Variants in GOLGA4 observed in about 807,000 individuals in gnomAD.
GOLGA4 encodes the protein golgin subfamily A member 4.
Under a neutral mutation model 265.9 loss-of-function variants are expected in GOLGA4, and 169 were observed. That is an observed-to-expected ratio of 0.64 (90% CI 0.56 to 0.72). GOLGA4 has a LOEUF of 0.72. Among genes scored for constraint, GOLGA4 ranks in the 30% least tolerant of loss-of-function variants. The pLI is 0.00. For synonymous variants in GOLGA4, 923 were observed against 855.8 expected (o/e 1.08, Z -1.37); for missense variants, 2,482 against 2,483.4 (o/e 1.00, Z 0.01).
chr3:37,336,766 AAG>A (rs1029288447), intron 17 of GOLGA4, among the ~76,000 whole-genome samples: 29 of 150,844 alleles, frequency 1.9e-4, no homozygotes, highest in Admixed American at 6.6e-4. Flanking sequence ...GAGCAAAAGA[AAG>A]AGAGAAAGAG....
intron 2 of GOLGA4, among the ~76,000 whole-genome samples, chr3:37,251,860 T>C (rs1485930312): frequency 2.0e-5 from 3 of 152,142 alleles, no homozygotes. Flanking sequence ...ACGTTTAAAT[T>C]TTTCGTAGAC....
intron 1 of GOLGA4, among the ~76,000 whole-genome samples, chr3:37,246,937 A>G (rs1344119310): frequency 1.3e-5 from 2 of 152,222 alleles, no homozygotes; most frequent in African/African-American, 2.4e-5. Flanking sequence ...AAAACAAAAA[A>G]ACCAGCAAAC....
chr3:37,328,307 T>C (rs919250117), intron 14 of GOLGA4, 109 bp from the exon 15 acceptor site: 3 of 974,626 alleles, frequency 3.1e-6, no homozygotes, highest in Non-Finnish European at 4.6e-6. Flanking sequence ...CTCTCAAAAA[T>C]GTTTTCATAC....
chr3:37,257,007 C>G (rs1368904877), intron 2 of GOLGA4, among the ~76,000 whole-genome samples: 3 of 152,066 alleles, frequency 2.0e-5, no homozygotes, highest in Non-Finnish European at 4.4e-5. Context: ...GTACATTCAT[C>G]ACATCTATCT....
chr3:37,283,531 G>A (rs1051535534), intron 3 of GOLGA4, among the ~76,000 whole-genome samples: 1 of 152,020 alleles, frequency 6.6e-6, no homozygotes, highest in Admixed American at 6.6e-5. Flanking sequence ...TTTTGTTGTT[G>A]TTTTTGAGAC....
chr3:37,268,569 C>A (rs2096789716), intron 2 of GOLGA4, among the ~76,000 whole-genome samples: 1 of 151,886 alleles, frequency 6.6e-6, no homozygotes, highest in African/African-American at 2.4e-5. Flanking sequence ...GGCTTTAAAA[C>A]CTTTTTTTTC....
Position 37,329,078 on chromosome 3 carries a change from T to C in GOLGA4, c.6177T>C (p.Tyr2059=), listed in dbSNP as rs752416682. The change falls in exon 16 of 24, where the codon TAT becomes TAC. Residue 2059 remains tyrosine, a synonymous_variant. Coordinates refer to ENST00000361924, the MANE Select transcript of GOLGA4 (RefSeq NM_002078.5). ...ATCTAAAACGAACAGCCAAAAGATA[T>C]GAAGAAATCCTTGATGTTTGTACCT... ...DDDLKRTAKR[Y]EEILDAREEE... is the part of the protein sequence containing the mutation. 7.5e-6 allele frequency: 12 copies of C among 1,605,842 alleles called. No homozygotes were observed. Among genetic ancestry groups the C allele is most frequent in the South Asian group, 4.5e-5 (4 of 89,478 alleles).
chr3:37,324,701 C>T lies in GOLGA4; in HGVS notation c.2815C>T (p.His939Tyr). The T allele has an allele frequency of 6.2e-7, 1 of 1,602,966 alleles. No homozygotes were observed. Residue 939 changes from histidine to tyrosine, a missense_variant, in exon 14 of 24, where the codon CAT becomes TAT. This residue lies in a region of GOLGA4 where 1,536 missense variants were observed against 1,483.7 expected (regional missense o/e 1.04). Coordinates refer to ENST00000361924, the MANE Select transcript of GOLGA4 (RefSeq NM_002078.5). ...QKLSAKEDSI[H>Y]ILNEEYETKF... ...ATTGTCAGCCAAGGAGGACAGTATT[C>T]ATATTTTGAATGAGGAATATGAAAC... is the stretch of plus-strand genomic sequence containing the variant.
rs4021346 is a variant in GOLGA4, at chr3:37,328,233, GACACACAC to G, written c.5940-154_5940-147del. On this transcript the variant is annotated intron_variant, in intron 14 of 23. Coordinates refer to ENST00000361924, the MANE Select transcript of GOLGA4 (RefSeq NM_002078.5). Reference sequence around the variant, plus strand: ...GGTAATCATAGTTGATATGTACCTGGACACACACACACACACACACACACACACACACA... The same window carrying G: ...GGTAATCATAGTTGATATGTACCTGGACACACACACACACACACACACACA... Among the ~76,000 whole-genome samples, 51 of 138,536 alleles carry G rather than the reference GACACACAC, an allele frequency of 3.7e-4. 2 individuals carry two copies. The highest frequency in any genetic ancestry group is 2.3e-3 in the Admixed American group (31 of 13,646). The allele number at this position is 138,536 out of a possible 152,430, so 90.9% of individuals were successfully genotyped here. A position where few individuals can be genotyped will look rare whatever the true frequency, so the allele number is the denominator to read the frequency against.
At chr3:37,298,640 GACTATAA>G (rs1191219536) in intron 7 of GOLGA4, among the ~76,000 whole-genome samples, 186 bp from the exon 8 acceptor site, 1 of 152,146 alleles carries the variant, frequency 6.6e-6, no homozygotes, top group African/African-American at 2.4e-5. Context: ...CTTTGTTTTA[GACTATAA>G]ACTATAAACT....
chr3:37,331,959 C>T (rs1170417446), intron 16 of GOLGA4, among the ~76,000 whole-genome samples: 1 of 152,180 alleles, frequency 6.6e-6, no homozygotes, highest in African/African-American at 2.4e-5. Context: ...TGTTCCTCTC[C>T]TCTGAACTCC....
At chr3:37,319,949 C>T (rs977159479) in intron 12 of GOLGA4, 4 of 152,024 alleles carry the variant, frequency 2.6e-5, no homozygotes, top group Non-Finnish European at 5.9e-5. Flanking sequence ...AGAAGAATGT[C>T]GAAAATCTCA....
At chr3:37,275,413 C>G (rs1227027829) in intron 2 of GOLGA4, among the ~76,000 whole-genome samples, 2 of 152,078 alleles carry the variant, frequency 1.3e-5, no homozygotes, top group Non-Finnish European at 2.9e-5. Context: ...TCCAGTTAAT[C>G]CCAAATTCTC....
intron 23 of GOLGA4, among the ~76,000 whole-genome samples, chr3:37,365,476 C>T (rs1696678816): frequency 6.6e-6 from 1 of 152,172 alleles, no homozygotes; most frequent in Admixed American, 6.5e-5. Context: ...CCATGTTGGC[C>T]AGGCTGGTCT....
intron 2 of GOLGA4, among the ~76,000 whole-genome samples, chr3:37,265,593 A>G (rs2150689527): frequency 6.6e-6 from 1 of 152,268 alleles, no homozygotes; most frequent in East Asian, 1.9e-4. Flanking sequence ...TACATACTTA[A>G]TGTATACAAT....
In GOLGA4 at chr3:37,243,486, C is replaced by T; in HGVS notation, c.-65C>T. 1 of 1,434,104 alleles carries T rather than the reference C, an allele frequency of 7.0e-7. No individual in the cohort carries two copies. Among genetic ancestry groups the T allele is most frequent in the South Asian group, 1.1e-5 (1 of 87,512 alleles). 88.8% of individuals were successfully genotyped at this position (1,434,104 alleles called of 1,614,324 possible). On this transcript the variant is annotated 5_prime_UTR_variant, in exon 1 of 24. Coordinates refer to ENST00000361924, the MANE Select transcript of GOLGA4 (RefSeq NM_002078.5). ...AAGAAGTCGCCGTAGCCGTCGCGGC[C>T]GGGACTCCCCGGGCTCTCGCCCTTC...
rs1200614047 is a variant in GOLGA4 at position 37,258,334 on chromosome 3, ATATATATATGCTCTG to A, written c.162+6867_162+6881del. Among the ~76,000 whole-genome samples the A allele has an allele frequency of 8.4e-3, 1,268 of 151,088 alleles. 22 individuals are homozygous for A. Among genetic ancestry groups the A allele is most frequent in the African/African-American group, 0.029 (1,208 of 41,190 alleles). On this transcript the variant is annotated intron_variant, in intron 2 of 23. Coordinates refer to ENST00000361924, the MANE Select transcript of GOLGA4 (RefSeq NM_002078.5). ...GAGAGCATATATATATGCTGTCTGT[ATATATATATGCTCTG>A]TATATATATGCTCTGTTGCTCAGGC...
chr3:37,344,126 G>A (rs1245679436), intron 20 of GOLGA4, among the ~76,000 whole-genome samples: 1 of 152,248 alleles, frequency 6.6e-6, no homozygotes, highest in East Asian at 1.9e-4. Flanking sequence ...AAACTGGTCA[G>A]TGTCTCACTC....
chr3:37,281,665 C>G (rs748674959), intron 2 of GOLGA4, among the ~76,000 whole-genome samples: 74 of 152,156 alleles, frequency 4.9e-4, no homozygotes, highest in Non-Finnish European at 8.5e-4. Context: ...TGGGAAAGTA[C>G]TGTGTTTTTC....
Sources: allele counts gnomAD v4.1 joint callset (sites outside exome capture counted in the v4.1 genomes callset), GRCh38; gene constraint gnomAD v4.1.1; regional missense constraint gnomAD v4.1.1; transcripts MANE v1.5; gene names NCBI Gene and HGNC (gene_info 2026-07-23, HGNC 2026-07-21).